The following SLC30A9 variants were observed in gnomAD, a reference collection of about 807,000 sequenced individuals.
SLC30A9 encodes the protein solute carrier family 30 member 9.
SLC30A9 carries 58 observed loss-of-function variants against 87.5 expected under a neutral mutation model. The observed-to-expected ratio is 0.66, with a 90% confidence interval of 0.54 to 0.82. SLC30A9 has a LOEUF of 0.82. SLC30A9 is among the 40% of genes least tolerant of loss of function. The pLI is 0.00. For synonymous variants in SLC30A9, 234 were observed against 233.0 expected, an observed-to-expected ratio of 1.00 and a Z score of -0.04; for missense variants, 557 against 679.1, an observed-to-expected ratio of 0.82 and a Z score of 2.00.
chr4:41,992,469 C>T (rs1485295017), intron 1 of SLC30A9, among the ~76,000 whole-genome samples: 1 of 152,190 alleles, frequency 6.6e-6, no homozygotes, highest in Non-Finnish European at 1.5e-5. Context: ...ACTGAAATTA[C>T]AGTGGCTGTT....
intron 15 of SLC30A9, among the ~76,000 whole-genome samples, chr4:42,071,412 C>A (rs544168233): frequency 4.6e-5 from 7 of 152,052 alleles, no homozygotes; most frequent in African/African-American, 1.7e-4. Context: ...ACCCGTATAT[C>A]TGAATTAGTA....
chr4:42,037,258 T>C (rs866985062), intron 7 of SLC30A9, among the ~76,000 whole-genome samples: 1 of 114,212 alleles, frequency 8.8e-6, no homozygotes, highest in African/African-American at 4.0e-5. Context: ...TTTTTTTTTT[T>C]TTTTTTTTTT....
In SLC30A9 at chr4:42,020,378, A is replaced by G. The variant is rs775226897; in HGVS notation, c.335-38A>G. 1.4e-5 allele frequency: 13 copies of G among 955,830 alleles called. No homozygotes were observed. In the Admixed American group the frequency reaches 1.7e-4, roughly 12 times the overall value. 59.2% of individuals were successfully genotyped at this position (955,830 alleles called of 1,614,324 possible). On this transcript the variant is annotated intron_variant, in intron 3 of 17. Coordinates refer to ENST00000264451, the MANE Select transcript of SLC30A9 (RefSeq NM_006345.4). The stretch of plus-strand genomic sequence containing the variant: ...TATTCATCTTCACATGTGACTTTCA[A>G]TGTGCATATTTATTATGTTTTCCTG...
intron 9 of SLC30A9, among the ~76,000 whole-genome samples, chr4:42,052,168 A>G (rs1472665926): frequency 1.3e-5 from 2 of 152,110 alleles, no homozygotes; most frequent in Non-Finnish European, 2.9e-5. Flanking sequence ...CATAAGTAGT[A>G]TCACAAAATA....
chr4:42,000,002 T>A (rs1015045187), intron 1 of SLC30A9, among the ~76,000 whole-genome samples: 10 of 152,138 alleles, frequency 6.6e-5, no homozygotes, highest in African/African-American at 1.9e-4. Context: ...CATGAGTTGA[T>A]CATTGTTGAA....
At chr4:42,021,668 A>G (rs1715952568) in intron 4 of SLC30A9, among the ~76,000 whole-genome samples, 1 of 152,202 alleles carries the variant, frequency 6.6e-6, no homozygotes, top group African/African-American at 2.4e-5. Flanking sequence ...ACATATAAAC[A>G]AATAATGACT....
chr4:42,006,078 C>T (rs561011405), intron 2 of SLC30A9, among the ~76,000 whole-genome samples: 4 of 152,252 alleles, frequency 2.6e-5, no homozygotes, highest in Admixed American at 1.3e-4. Flanking sequence ...AGTGTAACAA[C>T]GGTTTACTTA....
At chr4:42,083,488 CAT>C (rs1435451446) in intron 17 of SLC30A9, among the ~76,000 whole-genome samples, 10 of 152,068 alleles carry the variant, frequency 6.6e-5, no homozygotes, top group Non-Finnish European at 1.3e-4. Flanking sequence ...GGATATTAAT[CAT>C]ATTTATTCAT....
At chr4:42,019,310 ATGACCAAAAG>A (rs1322182432) in intron 3 of SLC30A9, among the ~76,000 whole-genome samples, 2 of 152,186 alleles carry the variant, frequency 1.3e-5, no homozygotes, top group Non-Finnish European at 2.9e-5. Flanking sequence ...TCTCTATCAT[ATGACCAAAAG>A]TCTCACCTTA....
In SLC30A9 at chr4:42,022,947, T is replaced by A; in HGVS notation, c.527+17T>A. 6.9e-7 allele frequency: 1 copy of A among 1,450,066 alleles called. No homozygotes were observed. Among genetic ancestry groups the A allele is most frequent in the Non-Finnish European group, 9.4e-7 (1 of 1,062,818 alleles). The allele number at this position is 1,450,066 out of a possible 1,614,324, so 89.8% of individuals were successfully genotyped here. ...GGAAGCAAAGTAAGAACATAGTTCTTTCAGAATAAAAGTGCAAACCAAATT... is the reference window on the plus strand; with the variant it reads ...GGAAGCAAAGTAAGAACATAGTTCTATCAGAATAAAAGTGCAAACCAAATT... On this transcript the variant is annotated intron_variant, in intron 5 of 17. Transcript: ENST00000264451.
chr4:41,998,265 ACT>A (rs1253228930), intron 1 of SLC30A9, among the ~76,000 whole-genome samples: 5 of 152,240 alleles, frequency 3.3e-5, no homozygotes, highest in Middle Eastern at 3.4e-3. Flanking sequence ...GATACCAGTA[ACT>A]CTGCAGTCTT....
In SLC30A9 at chr4:42,085,445, G is replaced by C. The variant is rs1718891988; in HGVS notation, c.1663-637G>C. Among the ~76,000 whole-genome samples the C allele has an allele frequency of 3.9e-5, 6 of 152,226 alleles. No homozygotes were observed. In the South Asian group the frequency reaches 1.2e-3, roughly 32 times the overall value. ...TCAGTTTTCCCTGATGTATGTATAA[G>C]ATGGAAATAGTAATTAGGTTATGAG... is the stretch of plus-strand genomic sequence containing the variant. On this transcript the variant is annotated intron_variant, in intron 17 of 17. Transcript: ENST00000264451.
rs1716573297 is a variant in SLC30A9, at chr4:42,034,086, AATTT to A, written c.611-1188_611-1185del. Among the ~76,000 whole-genome samples the A allele has an allele frequency of 1.9e-4, 5 of 26,042 alleles. No homozygotes were observed. In the South Asian group the frequency reaches 0.023, roughly 119 times the overall value. The allele number at this position is 26,042 out of a possible 152,430, so 17.1% of individuals were successfully genotyped here. On this transcript the variant is annotated intron_variant, in intron 6 of 17. Transcript: ENST00000264451. ...TTAAAAGAATTTTTTGTAATACAAA[AATTT>A]GAGAAAACACAGTAATAGAAAAATA...
chr4:42,018,023 T>C, intron 2 of SLC30A9, 88 bp from the exon 3 acceptor site: 3 of 706,098 alleles, frequency 4.2e-6, no homozygotes, highest in Middle Eastern at 7.1e-4. Flanking sequence ...TTTTATGCAT[T>C]GCTATATTAC....
rs1560565944 is a variant in SLC30A9 at position 42,089,739 on chromosome 4, T to G, written c.*3613T>G. On this transcript the variant is annotated 3_prime_UTR_variant, in exon 18 of 18. Transcript: ENST00000264451. ...TGATCTGTTTTTAAGTGGAGTATCCTGGGGGCCTATAGTATCCAACTCCAA... is the reference window on the plus strand; with the variant it reads ...TGATCTGTTTTTAAGTGGAGTATCCGGGGGGCCTATAGTATCCAACTCCAA... 5 of 152,194 alleles carry G rather than the reference T, an allele frequency of 3.3e-5. No individual in the cohort carries two copies. Among genetic ancestry groups the G allele is most frequent in the African/African-American group, 4.8e-5 (2 of 41,430 alleles). 9.4% of individuals were successfully genotyped at this position (152,194 alleles called of 1,614,324 possible). A position where few individuals can be genotyped will look rare whatever the true frequency, so the allele number is the denominator to read the frequency against.
At chr4:42,054,446 A>G (rs1159646392) in intron 9 of SLC30A9, among the ~76,000 whole-genome samples, 2 of 152,106 alleles carry the variant, frequency 1.3e-5, no homozygotes, top group African/African-American at 4.8e-5. Context: ...CTATGTGGAA[A>G]TGTGATTACT....
chr4:42,061,055 A>T lies in SLC30A9; in HGVS notation c.896+809A>T, dbSNP rs200505598. ...ACAGTGTTTTACCATCTTAAGAAAA[A>T]TTTTTTTTTCATGGCCAGTTTTATG... On this transcript the variant is annotated intron_variant, in intron 10 of 17. Transcript: ENST00000264451. Among the ~76,000 whole-genome samples, 22 of 151,716 alleles carry T rather than the reference A, an allele frequency of 1.5e-4. No homozygotes were observed. In the East Asian group the frequency reaches 3.5e-3, roughly 24 times the overall value.
At chr4:42,070,432 C>A in intron 14 of SLC30A9, 94 bp from the exon 15 acceptor site, 3 of 942,478 alleles carry the variant, frequency 3.2e-6, no homozygotes, top group South Asian at 2.2e-5. Flanking sequence ...TTTCAAGTGC[C>A]TTGATTTACT....
intron 6 of SLC30A9, chr4:42,029,260 A>G: frequency 2.2e-6 from 1 of 462,780 alleles, no homozygotes; most frequent in Non-Finnish European, 4.3e-6. Context: ...ATTCTTCTGG[A>G]ACTCAGAGAA....
Sources: allele counts gnomAD v4.1 joint callset (sites outside exome capture counted in the v4.1 genomes callset), GRCh38; gene constraint gnomAD v4.1.1; transcripts MANE v1.5; gene names NCBI Gene and HGNC (gene_info 2026-07-23, HGNC 2026-07-21).